TBC1D30: variants seen among roughly 807,000 people sequenced by gnomAD.
TBC1D30 encodes TBC1 domain family member 30.
In TBC1D30, 31 loss-of-function variants were observed where a neutral mutation model predicts 63.2. The observed-to-expected ratio is 0.49, with a 90% CI of 0.37 to 0.66. The LOEUF (loss-of-function observed/expected upper bound fraction) is 0.66. TBC1D30 is among the 30% of genes least tolerant of loss of function. The probability of loss-of-function intolerance (pLI) is 0.00; values close to 1 mark genes in which losing one functional copy is unlikely to be tolerated. For missense variants in TBC1D30, 810 were observed against 953.6 expected (o/e 0.85, Z 1.98); for synonymous variants, 307 against 361.5 (o/e 0.85, Z 1.71).
chr12:64,816,126 G>T (rs1180031555), intron 2 of TBC1D30, among the ~76,000 whole-genome samples: 2 of 151,804 alleles, frequency 1.3e-5, no homozygotes, highest in Non-Finnish European at 2.9e-5. Flanking sequence ...TCCGTCTCCT[G>T]GGTTCAAGCG....
chr12:64,851,429 C>T (rs1313597716), intron 8 of TBC1D30, among the ~76,000 whole-genome samples: 1 of 152,126 alleles, frequency 6.6e-6, no homozygotes, highest in Admixed American at 6.5e-5. Flanking sequence ...AGTCTTTGCA[C>T]GTGAGATGGG....
At chr12:64,864,917 A>G in intron 9 of TBC1D30, 137 bp downstream of exon 9, 1 of 643,846 alleles carries the variant, frequency 1.6e-6, no homozygotes, top group Non-Finnish European at 2.6e-6. Flanking sequence ...CCCTTTCCAA[A>G]TGGTTTTGAT....
rs1439444187 is a variant in TBC1D30 at position 64,880,743 on chromosome 12, TTATC to T, written c.*4958_*4961del. Reference sequence around the variant, plus strand: ...CCATCCCTTCCATCCCAGGCAATCTTTATCTAGCTACACCAACCTGTGCCCCAGG... The same window carrying T: ...CCATCCCTTCCATCCCAGGCAATCTTTAGCTACACCAACCTGTGCCCCAGG... On this transcript the variant is annotated 3_prime_UTR_variant, in exon 12 of 12. Coordinates refer to ENST00000539867, the MANE Select transcript of TBC1D30 (RefSeq NM_015279.2). 1 of 152,224 alleles carries T rather than the reference TTATC, an allele frequency of 6.6e-6. No individual in the cohort carries two copies. Among genetic ancestry groups the T allele is most frequent in the African/African-American group, 2.4e-5 (1 of 41,446 alleles). The allele number at this position is 152,224 out of a possible 1,614,324, so 9.4% of individuals were successfully genotyped here.
intron 2 of TBC1D30, among the ~76,000 whole-genome samples, chr12:64,802,232 A>G (rs1565648348): frequency 6.6e-6 from 1 of 152,178 alleles, no homozygotes. Flanking sequence ...AGGAAGCATT[A>G]AAGCTTGCCA....
upstream of TBC1D30, among the ~76,000 whole-genome samples, chr12:64,777,339 G>A (rs2136284541): frequency 6.6e-6 from 1 of 152,240 alleles, no homozygotes; most frequent in Admixed American, 6.5e-5. Flanking sequence ...CAGATGATAT[G>A]GTCCTATATC....
At chr12:64,804,707 C>T (rs770765388) in intron 2 of TBC1D30, among the ~76,000 whole-genome samples, 1 of 152,140 alleles carries the variant, frequency 6.6e-6, no homozygotes. Flanking sequence ...GCACAAAATT[C>T]ATTTTTTTCC....
intron 2 of TBC1D30, among the ~76,000 whole-genome samples, chr12:64,811,422 T>C (rs953862614): frequency 6.6e-6 from 1 of 152,218 alleles, no homozygotes; most frequent in Admixed American, 6.5e-5. Context: ...TGTTGCTTTT[T>C]CAGCTAACTA....
At chr12:64,823,855 G>C (rs1874047412), upstream of TBC1D30, among the ~76,000 whole-genome samples, 2 of 152,096 alleles carry the variant, frequency 1.3e-5, no homozygotes, top group Admixed American at 6.5e-5. Flanking sequence ...AACTACAGGA[G>C]GCACATCAAG....
chr12:64,870,051 A>G (rs567571242), intron 10 of TBC1D30, among the ~76,000 whole-genome samples: 5 of 152,350 alleles, frequency 3.3e-5, no homozygotes, highest in Admixed American at 1.3e-4. Flanking sequence ...CACATCCGAT[A>G]TAACAACAGA....
At chr12:64,790,892 AT>A (rs1408335119) in intron 2 of TBC1D30, among the ~76,000 whole-genome samples, 1 of 152,216 alleles carries the variant, frequency 6.6e-6, no homozygotes, top group Non-Finnish European at 1.5e-5. Context: ...TCTTTGTAAA[AT>A]TATAAAAATA....
chr12:64,830,594 C>T (rs370815971), intron 4 of TBC1D30, 92 bp downstream of exon 4: 1 of 1,187,924 alleles, frequency 8.4e-7, no homozygotes, highest in Admixed American at 2.9e-5. Flanking sequence ...ATGATCTCTA[C>T]CTTCTGGTTT....
At position 64,836,619 on chromosome 12, in the gene TBC1D30, C is replaced by G. The variant is rs771672986; in HGVS notation, c.724C>G (p.Leu242Val). 2.3e-5 allele frequency: 36 copies of G among 1,535,806 alleles called. 1 individual carries two copies. In the South Asian group the frequency reaches 4.2e-4, roughly 18 times the overall value. ...GAAGCTGCCGGAATTATCTCAGCACCTGGATACTCTTCAGAGAACTGCAAA... is the reference window on the plus strand; with the variant it reads ...GAAGCTGCCGGAATTATCTCAGCACGTGGATACTCTTCAGAGAACTGCAAA... ...RMKLPELSQH[L>V]DTLQRTANKE... Residue 242 changes from leucine to valine, a missense_variant, in exon 6 of 12, where the codon CTG (leucine) becomes GTG (valine). Around this residue, in one of 4 missense-constraint regions of TBC1D30, gnomAD observed 272 missense variants for 335.9 expected, o/e 0.81. Coordinates refer to ENST00000539867, the MANE Select transcript of TBC1D30 (RefSeq NM_015279.2).
chr12:64,817,812 C>T (rs940839026), intron 2 of TBC1D30, among the ~76,000 whole-genome samples: 2 of 152,152 alleles, frequency 1.3e-5, no homozygotes, highest in African/African-American at 4.8e-5. Flanking sequence ...CCTGTAATCC[C>T]AGCACTTTGG....
intron 2 of TBC1D30, among the ~76,000 whole-genome samples, chr12:64,797,028 C>CAAAAAAAAAAAAAAAAAAAAAAAAA (rs552416081): frequency 1.3e-5 from 1 of 75,136 alleles, no homozygotes; most frequent in Non-Finnish European, 2.4e-5. Flanking sequence ...TTCTCCTCTG[C>CAAAAAAAAAAAAAAAAAAAAAAAAA]AAAAAAAAAA....
At position 64,803,548 on chromosome 12, in the gene TBC1D30, G is replaced by T. The variant is rs562062776; in HGVS notation, c.643+17503G>T. On this transcript the variant is annotated intron_variant, in intron 2 of 12. Coordinates refer to the TBC1D30 transcript ENST00000542120. ...TTGGCTTTTGTTGCCATTGCTTTTG[G>T]TGTTTTAGACATGAAGTCCTTGCCC... 3.9e-5 allele frequency among the ~76,000 whole-genome samples: 6 copies of T among 152,260 alleles called. No individual in the cohort carries two copies. In the South Asian group the frequency reaches 1.0e-3, roughly 26 times the overall value.
rs774428470 is a variant in TBC1D30 at position 64,875,994 on chromosome 12, G to A, written c.*206G>A. ...CCAGCTACTTGCTAACTGACGAAGT[G>A]GATTCTTGTGGCAAAATAAATATTG... On this transcript the variant is annotated 3_prime_UTR_variant, in exon 12 of 12. Coordinates refer to ENST00000539867, the MANE Select transcript of TBC1D30 (RefSeq NM_015279.2). The A allele has an allele frequency of 5.9e-6, 3 of 505,666 alleles. No homozygotes were observed. The highest frequency in any genetic ancestry group is 1.0e-5 in the Non-Finnish European group (3 of 295,032). 31.3% of individuals were successfully genotyped at this position (505,666 alleles called of 1,614,324 possible).
At chr12:64,766,259 G>T (rs1870711487) in intron 1 of TBC1D30, among the ~76,000 whole-genome samples, 1 of 152,126 alleles carries the variant, frequency 6.6e-6, no homozygotes, top group South Asian at 2.1e-4. Flanking sequence ...CCAGAAGGAA[G>T]AAATAATTTT....
chr12:64,833,070 G>A (rs145165370), intron 5 of TBC1D30, among the ~76,000 whole-genome samples: 7 of 152,258 alleles, frequency 4.6e-5, no homozygotes, highest in Admixed American at 2.6e-4. Context: ...TGACTCAGGG[G>A]TCATGTTAGA....
chr12:64,875,299 C>G lies in TBC1D30; in HGVS notation c.1797C>G (p.Ser599Arg). 6.5e-7 allele frequency: 1 copy of G among 1,536,290 alleles called. No individual in the cohort carries two copies. The highest frequency in any genetic ancestry group is 1.4e-5 in the African/African-American group (1 of 73,168). Residue 599 changes from serine to arginine, a missense_variant, in exon 12 of 12, where the codon AGC becomes AGG. By Grantham distance (110) the Ser-to-Arg change is moderately radical. Transcript: ENST00000539867. ...TGATAGATGAGCAGAACGAGGCCAG[C>G]AAGACCAATGGGCTGGGGGCAGCAG... is the stretch of plus-strand genomic sequence containing the variant. ...VGLIDEQNEASKTNGLGAAEA... is the reference protein window; with the variant it reads ...VGLIDEQNEARKTNGLGAAEA...
Sources: gnomAD v4.1 joint callset for allele counts (sites outside exome capture counted in the v4.1 genomes callset) on GRCh38, gnomAD v4.1.1 for gene constraint, gnomAD v4.1.1 regional missense constraint, MANE v1.5 for transcripts, NCBI Gene and HGNC (gene_info 2026-07-23, HGNC 2026-07-21) for gene names.